The following SPATA31H1 variants were observed in gnomAD, a reference collection of about 807,000 sequenced individuals.
The protein encoded by SPATA31H1 is spermatogenesis-associated protein 31H1.
chr2:27,580,286 C>T, the SPATA31H1 span: 1 of 1,614,068 alleles, frequency 6.2e-7, no homozygotes, highest in African/African-American at 1.3e-5. Context: ...GACAACGCAG[C>T]AGGCCTGACT....
At chr2:27,567,398 A>G in the SPATA31H1 span, 488 of 470,576 alleles carry the variant, frequency 1.0e-3, 3 homozygotes, top group Non-Finnish European at 1.5e-4. Context: ...GAGTTGCTGA[A>G]TCAGAGAAAC....
chr2:27,578,341 C>G, the SPATA31H1 span: 1 of 1,614,118 alleles, frequency 6.2e-7, no homozygotes, highest in Non-Finnish European at 8.5e-7. Flanking sequence ...ATTGTAAAAA[C>G]TATGTTAATC....
chr2:27,581,657 C>T, the SPATA31H1 span: 1 of 1,613,464 alleles, frequency 6.2e-7, no homozygotes. Flanking sequence ...GAAGACATCG[C>T]AGTCCCTCTC....
the SPATA31H1 span, chr2:27,580,240 A>C: frequency 1.2e-6 from 2 of 1,614,200 alleles, no homozygotes; most frequent in East Asian, 2.2e-5. Flanking sequence ...GGGCCTTCCC[A>C]GTCCCCTGCT....
At chr2:27,581,069 G>A in the SPATA31H1 span, 3 of 1,613,898 alleles carry the variant, frequency 1.9e-6, no homozygotes, top group Non-Finnish European at 2.5e-6. Flanking sequence ...CCAGCCAGGA[G>A]TCTAAGAACT....
the SPATA31H1 span, chr2:27,576,210 C>T: frequency 4.9e-6 from 2 of 404,514 alleles, no homozygotes; most frequent in African/African-American, 2.1e-5. Flanking sequence ...TGAGTTGCAT[C>T]CAGGGCCAGA....
chr2:27,547,806 G>A, the SPATA31H1 span, among the ~76,000 whole-genome samples: 1 of 151,592 alleles, frequency 6.6e-6, no homozygotes, highest in Non-Finnish European at 1.5e-5. Context: ...AGTGTGTCAT[G>A]AATCTTCATG....
chr2:27,567,202 C>T, the SPATA31H1 span: 1 of 632,534 alleles, frequency 1.6e-6, no homozygotes, highest in Non-Finnish European at 2.9e-6. Context: ...GATCATGAGC[C>T]AAATTCTGTT....
chr2:27,578,308 C>G, the SPATA31H1 span: 3 of 1,613,992 alleles, frequency 1.9e-6, no homozygotes, highest in African/African-American at 4.0e-5. Flanking sequence ...ATTTTGGAAA[C>G]AGTGGAGTTG....
chr2:27,544,557 C>T, the SPATA31H1 span, among the ~76,000 whole-genome samples: 79 of 132,722 alleles, frequency 6.0e-4, no homozygotes, highest in Non-Finnish European at 9.0e-4. Flanking sequence ...TTTTCTGAGA[C>T]GGAGTCTTGC....
the SPATA31H1 span, among the ~76,000 whole-genome samples, chr2:27,540,302 G>A: frequency 1.0e-4 from 12 of 116,878 alleles, no homozygotes; most frequent in South Asian, 3.2e-4. Context: ...GGACGGGGCG[G>A]CTGGCCGGGC....
the SPATA31H1 span, among the ~76,000 whole-genome samples, chr2:27,554,067 AAT>A: frequency 2.3e-4 from 35 of 152,142 alleles, no homozygotes; most frequent in South Asian, 2.9e-3. Context: ...TGTTTCTAAT[AAT>A]ATGTTCCTTA....
At chr2:27,573,964 T>C in the SPATA31H1 span, 919 of 398,516 alleles carry the variant, frequency 2.3e-3, 4 homozygotes, top group African/African-American at 0.017. Flanking sequence ...TGGCAATGTG[T>C]CAAATCTTCT....
the SPATA31H1 span, chr2:27,573,953 A>G: frequency 2.5e-6 from 1 of 398,532 alleles, no homozygotes; most frequent in Non-Finnish European, 4.4e-6. Flanking sequence ...CTGGGCCACA[A>G]TGGCAATGTG....
chr2:27,544,015 C>G, the SPATA31H1 span, among the ~76,000 whole-genome samples: 59 of 151,886 alleles, frequency 3.9e-4, no homozygotes, highest in African/African-American at 1.4e-3. Flanking sequence ...GTTCCAAGAC[C>G]CTAAGAACAA....
chr2:27,580,646 G>GCGGGCATTC, the SPATA31H1 span: 1 of 1,614,214 alleles, frequency 6.2e-7, no homozygotes, highest in Non-Finnish European at 8.5e-7. Context: ...AGAGCCTAAA[G>GCGGGCATTC]CGGGCATTCC....
the SPATA31H1 span, chr2:27,579,586 A>G: frequency 5.5e-5 from 88 of 1,614,224 alleles, no homozygotes; most frequent in East Asian, 1.8e-3. Flanking sequence ...TCAACGTTCA[A>G]TGGTATATCC....
At chr2:27,573,502 T>C in the SPATA31H1 span, 1 of 398,540 alleles carries the variant, frequency 2.5e-6, no homozygotes, top group Non-Finnish European at 4.4e-6. Flanking sequence ...CTCCAAAGTA[T>C]ACAACCTTTG....
chr2:27,538,463 T>G, the SPATA31H1 span, among the ~76,000 whole-genome samples: 5 of 152,188 alleles, frequency 3.3e-5, no homozygotes, highest in African/African-American at 1.2e-4. Flanking sequence ...ATGGTAGTTC[T>G]CTGGCATAGC....
Sources: gnomAD v4.1 joint callset for allele counts (sites outside exome capture counted in the v4.1 genomes callset) on GRCh38, gnomAD v4.1.1 for gene constraint, MANE v1.5 for transcripts, NCBI Gene and HGNC (gene_info 2026-07-23, HGNC 2026-07-21) for gene names.